Variants in PHF24 observed in about 807,000 individuals in gnomAD.
PHF24 encodes PHD finger protein 24.
Under a neutral mutation model 42.6 loss-of-function variants are expected in PHF24, and 25 were observed. That is an observed-to-expected ratio of 0.59 (90% confidence interval 0.43 to 0.82). The LOEUF (loss-of-function observed/expected upper bound fraction) is 0.82. Ranked by LOEUF, PHF24 falls within the 40% of genes least tolerant of loss-of-function variation. The pLI, the probability that PHF24 is intolerant of heterozygous loss-of-function variation, is 0.00. For synonymous variants in PHF24, 185 were observed against 204.8 expected (o/e 0.90, Z 0.83); for missense variants, 470 against 538.1 (o/e 0.87, Z 1.25).
chr9:34,703,743 A>C, the PHF24 span, among the ~76,000 whole-genome samples: 1 of 125,436 alleles, frequency 8.0e-6, no homozygotes, highest in Non-Finnish European at 1.9e-5. Context: ...TCTTGTAATA[A>C]AATGTAGAGA....
At chr9:34,957,180 T>C (rs868325781), upstream of PHF24, among the ~76,000 whole-genome samples, 1 of 152,236 alleles carries the variant, frequency 6.6e-6, no homozygotes, top group Admixed American at 6.5e-5. Flanking sequence ...CCTCTATTGG[T>C]AAATTCCATG....
At chr9:34,722,992 G>A in the PHF24 span, 3 of 499,026 alleles carry the variant, frequency 6.0e-6, no homozygotes, top group Middle Eastern at 5.2e-4. Flanking sequence ...GGACTTTTTA[G>A]CCTCCCTCAC....
At chr9:34,833,152 G>T in the PHF24 span, 5 of 1,551,058 alleles carry the variant, frequency 3.2e-6, no homozygotes, top group Non-Finnish European at 2.6e-6. Flanking sequence ...TTTCCTCTGG[G>T]TCCTCTCTGT....
At chr9:34,971,754 G>A in intron 2 of PHF24, 78 bp downstream of exon 2, 3 of 1,473,986 alleles carry the variant, frequency 2.0e-6, no homozygotes, top group Middle Eastern at 1.8e-4. Context: ...TGTGGGTAAG[G>A]TGATCCTCAA....
chr9:34,729,285 C>A, the PHF24 span: 41 of 1,551,626 alleles, frequency 2.6e-5, no homozygotes, highest in Admixed American at 3.9e-5. Context: ...CAGCCCTACC[C>A]GGCAGCAGCT....
At chr9:34,862,092 G>A in the PHF24 span, among the ~76,000 whole-genome samples, 1 of 152,160 alleles carries the variant, frequency 6.6e-6, no homozygotes, top group Non-Finnish European at 1.5e-5. Context: ...CAAGACAGCT[G>A]ACACCCATGC....
the PHF24 span, among the ~76,000 whole-genome samples, chr9:34,851,427 G>A: frequency 1.3e-5 from 2 of 152,164 alleles, no homozygotes; most frequent in Non-Finnish European, 2.9e-5. Context: ...ATAATCTCCT[G>A]GTGCGCCGTT....
At chr9:34,909,130 G>C in the PHF24 span, among the ~76,000 whole-genome samples, 1 of 152,146 alleles carries the variant, frequency 6.6e-6, no homozygotes, top group East Asian at 1.9e-4. Context: ...TTACAGGTGA[G>C]CCACCATGCC....
chr9:34,689,713 G>C, the PHF24 span: 1 of 1,345,324 alleles, frequency 7.4e-7, no homozygotes, highest in African/African-American at 1.4e-5. This position sits in a 1 kb window ranked among gnomAD's most constrained non-coding sequence, Gnocchi z 4.1. Context: ...GTCTGGTGCA[G>C]AGGAGCTGGA....
chr9:34,833,387 A>T, the PHF24 span: 2 of 1,550,996 alleles, frequency 1.3e-6, no homozygotes, highest in Non-Finnish European at 1.7e-6. Context: ...GTTCTGCTGC[A>T]CTGCCTTCAA....
At chr9:34,826,153 A>G in the PHF24 span, among the ~76,000 whole-genome samples, 4 of 151,792 alleles carry the variant, frequency 2.6e-5, no homozygotes, top group Non-Finnish European at 5.9e-5. Context: ...CTCCCTCCCC[A>G]TGCTCTCCCA....
At chr9:34,820,596 T>A in the PHF24 span, among the ~76,000 whole-genome samples, 1 of 152,232 alleles carries the variant, frequency 6.6e-6, no homozygotes, top group African/African-American at 2.4e-5. Context: ...TAGTATTCCA[T>A]GGCATATATG....
chr9:34,848,061 C>A, the PHF24 span, among the ~76,000 whole-genome samples: 1 of 151,910 alleles, frequency 6.6e-6, no homozygotes, highest in Non-Finnish European at 1.5e-5. Flanking sequence ...CTAAAATTCT[C>A]TTTTTTGGTT....
At chr9:34,972,307 A>G (rs766774233) in intron 2 of PHF24, 39 bp from the exon 3 acceptor site, 111 of 1,555,864 alleles carry the variant, frequency 7.1e-5, no homozygotes, top group Non-Finnish European at 9.0e-5. Context: ...TGCTGCCTAC[A>G]TTTACACATC....
chr9:34,709,756 C>CA, the PHF24 span: 2 of 1,614,182 alleles, frequency 1.2e-6, no homozygotes, highest in Middle Eastern at 1.6e-4. Context: ...AGCCAGTACC[C>CA]ACCCCTTTGT....
the PHF24 span, among the ~76,000 whole-genome samples, chr9:34,749,663 T>A: frequency 2.0e-5 from 3 of 151,820 alleles, no homozygotes; most frequent in East Asian, 5.8e-4. Flanking sequence ...TGTGCAGGTT[T>A]GTTACATAGG....
chr9:34,864,688 T>C, the PHF24 span, among the ~76,000 whole-genome samples: 1 of 151,884 alleles, frequency 6.6e-6, no homozygotes, highest in African/African-American at 2.4e-5. Context: ...TAATGAGCAA[T>C]AAGAAATCAT....
At chr9:34,925,117 G>T in the PHF24 span, among the ~76,000 whole-genome samples, 1 of 152,012 alleles carries the variant, frequency 6.6e-6, no homozygotes, top group African/African-American at 2.4e-5. Flanking sequence ...TAATAGCTTT[G>T]CTGGCTATAA....
At chr9:34,837,962 A>C in the PHF24 span, among the ~76,000 whole-genome samples, 1 of 152,190 alleles carries the variant, frequency 6.6e-6, no homozygotes, top group Non-Finnish European at 1.5e-5. Flanking sequence ...GGATGAAGCA[A>C]GAGAAAGGAT....
Sources: allele counts gnomAD v4.1 joint callset (sites outside exome capture counted in the v4.1 genomes callset), GRCh38; gene constraint gnomAD v4.1.1; non-coding constraint Gnocchi (gnomAD v3.1); transcripts MANE v1.5; gene names NCBI Gene and HGNC (gene_info 2026-07-23, HGNC 2026-07-21).